Variants in TMEM123 observed in about 807,000 individuals in gnomAD.
TMEM123 encodes the protein porimin.
A neutral mutation model predicts 19.7 loss-of-function variants in TMEM123; 16 were observed. The ratio of observed to expected loss-of-function variants is 0.81; its 90% CI spans 0.55 to 1.23. The LOEUF is 1.23. TMEM123 is among the 50% of genes most tolerant of loss of function. The probability of loss-of-function intolerance (pLI) is 0.00; values close to 1 mark genes in which losing one functional copy is unlikely to be tolerated. For missense variants in TMEM123, 313 were observed against 257.8 expected (o/e 1.21, Z -1.47); for synonymous variants, 118 against 99.4 (o/e 1.19, Z -1.12).
chr11:102,452,342 G>C (rs1857950417), intron 1 of TMEM123, 182 bp downstream of exon 1: 1 of 438,486 alleles, frequency 2.3e-6, no homozygotes, highest in Admixed American at 4.3e-5. Context: ...CGGCCCCGGG[G>C]CCAGCGGGTG....
intron 2 of TMEM123, among the ~76,000 whole-genome samples, chr11:102,431,010 T>C (rs369213365): frequency 2.2e-4 from 33 of 152,300 alleles, no homozygotes; most frequent in Non-Finnish European, 3.8e-4. Flanking sequence ...AGTCAGGTAA[T>C]AGACTAAAAA....
At chr11:102,435,459 G>C (rs1857753224) in intron 2 of TMEM123, among the ~76,000 whole-genome samples, 1 of 151,870 alleles carries the variant, frequency 6.6e-6, no homozygotes, top group Non-Finnish European at 1.5e-5. Flanking sequence ...AGGATATGAA[G>C]AAAATAAAAC....
At chr11:102,399,671 T>TA (rs1432061533) in intron 4 of TMEM123, among the ~76,000 whole-genome samples, 2 of 152,166 alleles carry the variant, frequency 1.3e-5, no homozygotes, top group African/African-American at 4.8e-5. Flanking sequence ...ATATAACTTT[T>TA]AAAAATATGT....
At chr11:102,407,632 G>C (rs1213332670) in intron 2 of TMEM123, among the ~76,000 whole-genome samples, 1 of 152,176 alleles carries the variant, frequency 6.6e-6, no homozygotes, top group Non-Finnish European at 1.5e-5. Context: ...GTTGGAGACA[G>C]ACACACAAAC....
chr11:102,417,380 T>A (rs1322367478), intron 2 of TMEM123, among the ~76,000 whole-genome samples: 1 of 152,048 alleles, frequency 6.6e-6, no homozygotes, highest in African/African-American at 2.4e-5. Flanking sequence ...AAATCAAGAA[T>A]GCAATCCCAT....
intron 2 of TMEM123, among the ~76,000 whole-genome samples, chr11:102,426,216 T>C (rs973620147): frequency 4.6e-5 from 7 of 152,332 alleles, no homozygotes; most frequent in Middle Eastern, 3.4e-3. Context: ...ATAACCATAG[T>C]ATCCTATCAG....
rs1445130727 is a variant in TMEM123, at chr11:102,424,866, C to A, written c.158-22660G>T. On this transcript the variant is annotated intron_variant, in intron 2 of 4. Coordinates refer to ENST00000398136, the MANE Select transcript of TMEM123 (RefSeq NM_052932.3). Reference sequence around the variant, plus strand: ...GCCACTACAGCCAGAATGAATGTTCCCTCCAGAACACCCAATGCTGTACTG... The same window carrying A: ...GCCACTACAGCCAGAATGAATGTTCACTCCAGAACACCCAATGCTGTACTG... Among the ~76,000 whole-genome samples the A allele has an allele frequency of 2.0e-5, 3 of 152,106 alleles. No individual in the cohort carries two copies. The South Asian group carries it at 6.2e-4, about 32-fold the overall frequency.
At chr11:102,444,945 C>T (rs1264237083) in intron 2 of TMEM123, among the ~76,000 whole-genome samples, 1 of 151,504 alleles carries the variant, frequency 6.6e-6, no homozygotes, top group Admixed American at 6.6e-5. Context: ...CGCATGTTCT[C>T]ACTCATAGGT....
At chr11:102,419,771 T>C (rs1406716261) in intron 2 of TMEM123, among the ~76,000 whole-genome samples, 2 of 152,212 alleles carry the variant, frequency 1.3e-5, no homozygotes, top group Non-Finnish European at 2.9e-5. Context: ...ATTAGAGGTA[T>C]TAAGATGGGG....
intron 2 of TMEM123, among the ~76,000 whole-genome samples, chr11:102,440,578 C>G (rs571246174): frequency 6.6e-6 from 1 of 152,168 alleles, no homozygotes; most frequent in South Asian, 2.1e-4. Context: ...AACAACCGTA[C>G]CAGCCACTGC....
At position 102,399,005 on chromosome 11, in the gene TMEM123, A is replaced by G. The variant is rs183080309; in HGVS notation, c.603-114T>C. ...AACAATTTCAAGCTGCACAATCAAA[A>G]TGGTCAGTGTTCTGTGTAAAGTTCC... On this transcript the variant is annotated intron_variant, in intron 4 of 4. Coordinates refer to ENST00000398136, the MANE Select transcript of TMEM123 (RefSeq NM_052932.3). The G allele has an allele frequency of 4.1e-5, 39 of 952,540 alleles. No homozygotes were observed. The Admixed American group carries it at 6.5e-4, about 16-fold the overall frequency. The allele number at this position is 952,540 out of a possible 1,614,324, so 59.0% of individuals were successfully genotyped here.
chr11:102,417,899 A>G (rs1341091231), intron 2 of TMEM123, among the ~76,000 whole-genome samples: 1 of 151,980 alleles, frequency 6.6e-6, no homozygotes, highest in Admixed American at 6.6e-5. Flanking sequence ...TGGGGAAGGG[A>G]CTCCCTATTC....
rs1253465354 is a variant in TMEM123 at position 102,405,970 on chromosome 11, ATCT to A, written c.158-3767_158-3765del. On this transcript the variant is annotated intron_variant, in intron 2 of 4. Coordinates refer to ENST00000398136, the MANE Select transcript of TMEM123 (RefSeq NM_052932.3). The stretch of plus-strand genomic sequence containing the variant: ...CTCCAAATTCACATTGGATGACCCA[ATCT>A]TCTTCTGTAATAAGTAAATAGTCAC... 1.3e-5 allele frequency among the ~76,000 whole-genome samples: 2 copies of A among 152,238 alleles called. 1 individual carries two copies. Among genetic ancestry groups the A allele is most frequent in the Admixed American group, 1.3e-4 (2 of 15,284 alleles).
intron 2 of TMEM123, among the ~76,000 whole-genome samples, chr11:102,440,619 T>C (rs137906276): frequency 0.023 from 3,445 of 152,226 alleles, 130 homozygotes; most frequent in African/African-American, 0.079. Flanking sequence ...AGACCATCGA[T>C]GATAGGAAGA....
In TMEM123 at chr11:102,397,966, A is replaced by G. The variant is rs1214559374; in HGVS notation, c.*901T>C. On this transcript the variant is annotated 3_prime_UTR_variant, in exon 5 of 5. Coordinates refer to ENST00000398136, the MANE Select transcript of TMEM123 (RefSeq NM_052932.3). ...ATTTCTAGATATTGAAAGCAGCTCT[A>G]CAGTTCTTAAAATATTCACAAAATA... 2 of 152,230 alleles carry G rather than the reference A, an allele frequency of 1.3e-5. No individual in the cohort carries two copies. The highest frequency in any genetic ancestry group is 3.8e-4 in the East Asian group (2 of 5,204). The allele number at this position is 152,230 out of a possible 1,614,324, so 9.4% of individuals were successfully genotyped here. A position where few individuals can be genotyped will look rare whatever the true frequency, so the allele number is the denominator to read the frequency against.
At chr11:102,451,091 G>A (rs1857934085) in intron 1 of TMEM123, 1 of 152,162 alleles carries the variant, frequency 6.6e-6, no homozygotes, top group African/African-American at 2.4e-5. Context: ...TTTTGCAAAT[G>A]GGACTAACCT....
chr11:102,412,696 A>C (rs941259408), intron 2 of TMEM123, among the ~76,000 whole-genome samples: 1 of 152,218 alleles, frequency 6.6e-6, no homozygotes, highest in Non-Finnish European at 1.5e-5. Flanking sequence ...AAATGGATTA[A>C]TCTAACAGGA....
chr11:102,421,951 GGT>G (rs1341927737), intron 2 of TMEM123, among the ~76,000 whole-genome samples: 3 of 152,198 alleles, frequency 2.0e-5, no homozygotes, highest in African/African-American at 7.2e-5. Context: ...TGCTGTTGGA[GGT>G]GGCAGTGAAG....
At chr11:102,411,839 G>A (rs2095567810) in intron 2 of TMEM123, among the ~76,000 whole-genome samples, 1 of 152,158 alleles carries the variant, frequency 6.6e-6, no homozygotes, top group Non-Finnish European at 1.5e-5. Context: ...ACACAGTTCT[G>A]GGAAAACGTG....
Sources: gnomAD v4.1 joint callset for allele counts (sites outside exome capture counted in the v4.1 genomes callset) on GRCh38, gnomAD v4.1.1 for gene constraint, MANE v1.5 for transcripts, NCBI Gene and HGNC (gene_info 2026-07-23, HGNC 2026-07-21) for gene names.